PCDH9: variants seen among roughly 807,000 people sequenced by gnomAD.
PCDH9 encodes the protein protocadherin-9.
A neutral mutation model predicts 70.6 loss-of-function variants in PCDH9; 24 were observed. That is an observed-to-expected ratio of 0.34 (90% CI 0.25 to 0.48). The LOEUF (loss-of-function observed/expected upper bound fraction) is 0.48. Ranked by LOEUF, PCDH9 falls within the 20% of genes least tolerant of loss-of-function variation. PCDH9 has a pLI of 0.99. For synonymous variants in PCDH9, 562 were observed against 558.5 expected (o/e 1.01, Z -0.09); for missense variants, 1,281 against 1,503.6 (o/e 0.85, Z 2.45).
chr13:66,694,686 T>C, intron 3 of PCDH9, among the ~76,000 whole-genome samples: 1 of 152,048 alleles, frequency 6.6e-6, no homozygotes, highest in Non-Finnish European at 1.5e-5. Flanking sequence ...AATATAAAAA[T>C]AACTCTAAAT....
chr13:66,874,973 T>A (rs561202581), intron 3 of PCDH9, among the ~76,000 whole-genome samples: 1 of 142,350 alleles, frequency 7.0e-6, no homozygotes, highest in Admixed American at 7.0e-5. Context: ...GACAGAGAGA[T>A]ATGTAGAAGG....
At chr13:67,091,073 C>G (rs1008391498) in intron 2 of PCDH9, among the ~76,000 whole-genome samples, 1 of 152,186 alleles carries the variant, frequency 6.6e-6, no homozygotes, top group Non-Finnish European at 1.5e-5. Context: ...TATGAAATGA[C>G]TCAGTTTCAA....
intron 2 of PCDH9, among the ~76,000 whole-genome samples, chr13:67,177,863 A>G (rs1163458709): frequency 1.3e-5 from 2 of 152,056 alleles, no homozygotes; most frequent in Non-Finnish European, 2.9e-5. Flanking sequence ...TAATTGCTCA[A>G]TAAACATTTG....
At chr13:66,356,680 C>G (rs1332108579) in intron 4 of PCDH9, among the ~76,000 whole-genome samples, 1 of 152,052 alleles carries the variant, frequency 6.6e-6, no homozygotes, top group Non-Finnish European at 1.5e-5. Flanking sequence ...ACAACTGCAT[C>G]AGATTCAGAG....
At chr13:67,173,757 G>A (rs1032686365) in intron 2 of PCDH9, among the ~76,000 whole-genome samples, 1 of 152,128 alleles carries the variant, frequency 6.6e-6, no homozygotes, top group Non-Finnish European at 1.5e-5. Context: ...AGAAAATGCT[G>A]TTTTATGCCT....
chr13:66,316,667 C>T (rs912577598), intron 4 of PCDH9, among the ~76,000 whole-genome samples: 14 of 152,150 alleles, frequency 9.2e-5, no homozygotes, highest in Admixed American at 2.6e-4. Context: ...TTCATAGAGG[C>T]ATTTCCTTAC....
chr13:66,584,259 T>A (rs2076933470), intron 4 of PCDH9, among the ~76,000 whole-genome samples: 1 of 152,160 alleles, frequency 6.6e-6, no homozygotes, highest in Non-Finnish European at 1.5e-5. Context: ...AAGTTTTATA[T>A]CATATTAATA....
At chr13:66,961,824 G>T (rs901607346) in intron 2 of PCDH9, among the ~76,000 whole-genome samples, 1 of 152,060 alleles carries the variant, frequency 6.6e-6, no homozygotes, top group African/African-American at 2.4e-5. Context: ...AGGCTGAGGC[G>T]GGTGGCTCAC....
intron 4 of PCDH9, among the ~76,000 whole-genome samples, chr13:66,491,195 G>T (rs990035318): frequency 6.6e-6 from 1 of 152,076 alleles, no homozygotes; most frequent in African/African-American, 2.4e-5. Flanking sequence ...TCAGATATAT[G>T]GATTGTGTTT....
chr13:66,448,103 C>A (rs1958132526), intron 4 of PCDH9, among the ~76,000 whole-genome samples: 1 of 151,970 alleles, frequency 6.6e-6, no homozygotes, highest in Admixed American at 6.6e-5. Context: ...AAAAAAAATG[C>A]TGGTGGGAAA....
chr13:66,533,115 G>T (rs780515753), intron 4 of PCDH9, among the ~76,000 whole-genome samples: 1 of 152,112 alleles, frequency 6.6e-6, no homozygotes, highest in African/African-American at 2.4e-5. Flanking sequence ...CTGGGCTGAC[G>T]TTATTTCTGG....
At chr13:66,656,485 G>T (rs1440348551) in intron 3 of PCDH9, among the ~76,000 whole-genome samples, 2 of 152,034 alleles carry the variant, frequency 1.3e-5, no homozygotes, top group Non-Finnish European at 2.9e-5. Context: ...AAAAAATTCT[G>T]CAGTTTTCTT....
At chr13:67,167,550 C>T (rs1261710603) in intron 2 of PCDH9, among the ~76,000 whole-genome samples, 1 of 152,096 alleles carries the variant, frequency 6.6e-6, no homozygotes, top group African/African-American at 2.4e-5. Flanking sequence ...GGCCTTCTAA[C>T]TCATTTGCTT....
At chr13:67,155,179 G>A (rs563449015) in intron 2 of PCDH9, among the ~76,000 whole-genome samples, 37 of 152,246 alleles carry the variant, frequency 2.4e-4, no homozygotes, top group African/African-American at 8.4e-4. Context: ...TTTTTCAGAA[G>A]CAAACTAAAA....
At chr13:66,968,435 T>C (rs1333451314) in intron 2 of PCDH9, among the ~76,000 whole-genome samples, 1 of 152,002 alleles carries the variant, frequency 6.6e-6, no homozygotes, top group East Asian at 1.9e-4. Context: ...CATAGTCCAC[T>C]TACAATCAAC....
intron 3 of PCDH9, among the ~76,000 whole-genome samples, chr13:66,836,633 C>A (rs2081024344): frequency 6.6e-6 from 1 of 152,120 alleles, no homozygotes; most frequent in African/African-American, 2.4e-5. Context: ...AAAAACTGAG[C>A]TGTTTGAAAC....
chr13:66,479,512 G>A (rs547177015), intron 4 of PCDH9, among the ~76,000 whole-genome samples: 2 of 152,172 alleles, frequency 1.3e-5, no homozygotes, highest in Admixed American at 1.3e-4. Context: ...TGACTCATGG[G>A]AAGAGGTCAA....
intron 4 of PCDH9, among the ~76,000 whole-genome samples, chr13:66,318,463 G>A (rs1345701730): frequency 6.6e-6 from 1 of 152,020 alleles, no homozygotes. Context: ...TACAAGGCAT[G>A]AATTATTTAT....
intron 2 of PCDH9, among the ~76,000 whole-genome samples, chr13:67,138,473 A>G (rs988783715): frequency 2.6e-5 from 4 of 152,220 alleles, no homozygotes; most frequent in African/African-American, 9.6e-5. Context: ...GAGGCAGGGA[A>G]CATAAGGCCC....
Sources: allele counts gnomAD v4.1 joint callset (sites outside exome capture counted in the v4.1 genomes callset), GRCh38; gene constraint gnomAD v4.1.1; transcripts MANE v1.5; gene names NCBI Gene and HGNC (gene_info 2026-07-23, HGNC 2026-07-21).